NRXN3: variants seen among roughly 807,000 people sequenced by gnomAD.
NRXN3 encodes the protein neurexin III.
NRXN3 carries 32 observed loss-of-function variants against 137.6 expected under a neutral mutation model. The observed-to-expected ratio is 0.23, with a 90% CI of 0.18 to 0.31. The LOEUF is 0.31. NRXN3 is among the 10% of genes least tolerant of loss of function. The probability of loss-of-function intolerance (pLI) is 1.00; values close to 1 mark genes in which losing one functional copy is unlikely to be tolerated. For synonymous variants in NRXN3, 798 were observed against 784.5 expected, an observed-to-expected ratio of 1.02 and a Z score of -0.29; for missense variants, 1,574 against 2,062.5, an observed-to-expected ratio of 0.76 and a Z score of 4.59.
intron 15 of NRXN3, among the ~76,000 whole-genome samples, chr14:79,271,537 C>T (rs2079322452): frequency 6.8e-6 from 1 of 146,112 alleles, no homozygotes; most frequent in Non-Finnish European, 1.5e-5. Context: ...TTCCCCTTCC[C>T]TTTCCCTGGC....
intron 4 of NRXN3, among the ~76,000 whole-genome samples, chr14:78,365,021 C>T (rs1204046687): frequency 1.3e-5 from 2 of 151,846 alleles, no homozygotes; most frequent in African/African-American, 2.4e-5. Context: ...GAAATGTTGC[C>T]TAGTAATGCA....
intron 4 of NRXN3, among the ~76,000 whole-genome samples, chr14:78,622,664 C>A (rs61976098): frequency 0.05 from 7,597 of 152,328 alleles, 256 homozygotes; most frequent in Middle Eastern, 0.15. Context: ...AAAGAGAGCA[C>A]CTCTGTGAGT....
At chr14:78,297,747 T>G in intron 3 of NRXN3, 84 bp from the exon 4 acceptor site, 3 of 1,026,944 alleles carry the variant, frequency 2.9e-6, no homozygotes, top group Non-Finnish European at 4.4e-6. Context: ...TTGTATTGCA[T>G]TTGGGATTTT....
In NRXN3 at chr14:78,520,682, T is replaced by G. The variant is rs568944185; in HGVS notation, c.758-124438T>G. 2.6e-5 allele frequency among the ~76,000 whole-genome samples: 4 copies of G among 152,332 alleles called. No individual in the cohort carries two copies. The East Asian group carries it at 7.7e-4, about 29-fold the overall frequency. On this transcript the variant is annotated intron_variant, in intron 4 of 20. Transcript: ENST00000335750. ...TGTAAAATGTAGACAGGTTATTCCC[T>G]GTATACTCACAAACTTGTGCTAAGA...
intron 4 of NRXN3, among the ~76,000 whole-genome samples, chr14:78,425,876 T>C (rs2093644492): frequency 2.0e-5 from 3 of 152,206 alleles, no homozygotes; most frequent in Non-Finnish European, 4.4e-5. Flanking sequence ...GGAAATTAGC[T>C]GTGAGTGTAA....
intron 15 of NRXN3, among the ~76,000 whole-genome samples, chr14:79,366,796 A>G (rs145631832): frequency 1.1e-4 from 17 of 152,306 alleles, no homozygotes; most frequent in Admixed American, 2.6e-4. Flanking sequence ...GAATGAATGT[A>G]TGCATTTTCT....
rs1157298084 is a variant in NRXN3, at chr14:78,235,024, G to GTATATA, written c.-703-7366_-703-7365insATATAT. Among the ~76,000 whole-genome samples, 11 of 81,990 alleles carry GTATATA rather than the reference G, an allele frequency of 1.3e-4. 1 individual carries two copies. Among genetic ancestry groups the GTATATA allele is most frequent in the Admixed American group, 9.8e-4 (7 of 7,176 alleles). 53.8% of individuals were successfully genotyped at this position (81,990 alleles called of 152,430 possible). The stretch of plus-strand genomic sequence containing the variant: ...TATATATATATATATATATATATAT[G>GTATATA]TGTATATATATATGTGTGTGTGTGT... On this transcript the variant is annotated intron_variant, in intron 1 of 20. Transcript: ENST00000335750.
chr14:78,951,411 A>G (rs1369871329), intron 10 of NRXN3, among the ~76,000 whole-genome samples: 1 of 151,918 alleles, frequency 6.6e-6, no homozygotes, highest in Non-Finnish European at 1.5e-5. Flanking sequence ...GCCTTCTCTG[A>G]TCATCTCATT....
chr14:78,882,784 T>A (rs1272588572), intron 10 of NRXN3, among the ~76,000 whole-genome samples: 1 of 151,584 alleles, frequency 6.6e-6, no homozygotes, highest in Non-Finnish European at 1.5e-5. Flanking sequence ...AAGGGCGTGA[T>A]CATGTTTTGA....
intron 6 of NRXN3, among the ~76,000 whole-genome samples, chr14:78,656,587 C>G (rs1349402241): frequency 6.6e-6 from 1 of 152,062 alleles, no homozygotes; most frequent in Non-Finnish European, 1.5e-5. Context: ...ACTTTGTTCT[C>G]TAGGTAACGG....
At chr14:78,173,729 C>G (rs1457136136) in intron 1 of NRXN3, among the ~76,000 whole-genome samples, 4 of 3,872 alleles carry the variant, frequency 1.0e-3, no homozygotes, top group African/African-American at 5.3e-3. Context: ...TTTTTTGCAA[C>G]ACAACAGTCG....
At chr14:78,853,483 A>G (rs898870080) in intron 10 of NRXN3, among the ~76,000 whole-genome samples, 3 of 152,200 alleles carry the variant, frequency 2.0e-5, no homozygotes, top group Admixed American at 2.0e-4. Context: ...TCACCCAGGT[A>G]TTAAGCCTAG....
chr14:78,514,180 C>G (rs1380572705), intron 4 of NRXN3, among the ~76,000 whole-genome samples: 1 of 152,116 alleles, frequency 6.6e-6, no homozygotes, highest in Non-Finnish European at 1.5e-5. Flanking sequence ...CTCTAGTAAA[C>G]AGTTCCAAGA....
intron 4 of NRXN3, among the ~76,000 whole-genome samples, chr14:78,322,894 A>G (rs1486128524): frequency 6.6e-6 from 1 of 151,932 alleles, no homozygotes; most frequent in Non-Finnish European, 1.5e-5. Flanking sequence ...GCTGCTTTCT[A>G]GCTGCACCAT....
At chr14:79,452,850 T>G (rs1352827531) in intron 15 of NRXN3, among the ~76,000 whole-genome samples, 1 of 152,218 alleles carries the variant, frequency 6.6e-6, no homozygotes, top group Non-Finnish European at 1.5e-5. Context: ...TTGAAGGTGA[T>G]AAAATATTAA....
At chr14:78,743,824 G>A (rs1414202287) in intron 8 of NRXN3, among the ~76,000 whole-genome samples, 5 of 152,162 alleles carry the variant, frequency 3.3e-5, no homozygotes, top group African/African-American at 1.2e-4. Flanking sequence ...CTGAGCAAGG[G>A]TGTAACATGG....
intron 20 of NRXN3, among the ~76,000 whole-genome samples, chr14:79,828,051 A>G (rs8020458): frequency 0.91 from 138,518 of 152,158 alleles, 63,092 homozygotes; most frequent in East Asian, 1. Context: ...ACCAAGCCAC[A>G]AGAGATCCAC....
At chr14:79,409,643 ATC>A (rs1238408015) in intron 15 of NRXN3, among the ~76,000 whole-genome samples, 1 of 141,264 alleles carries the variant, frequency 7.1e-6, no homozygotes, top group Admixed American at 7.2e-5. Flanking sequence ...ATATATATAT[ATC>A]CTCAAAATTT....
At chr14:78,794,063 G>A (rs1244264015) in intron 8 of NRXN3, among the ~76,000 whole-genome samples, 1 of 152,136 alleles carries the variant, frequency 6.6e-6, no homozygotes, top group Non-Finnish European at 1.5e-5. Context: ...GTTTTACTGG[G>A]TAAATTTGCA....
Sources: allele counts gnomAD v4.1 joint callset (sites outside exome capture counted in the v4.1 genomes callset), GRCh38; gene constraint gnomAD v4.1.1; transcripts MANE v1.5; gene names NCBI Gene and HGNC (gene_info 2026-07-23, HGNC 2026-07-21).